The following NUP153 variants were observed in gnomAD, a reference collection of about 807,000 sequenced individuals.
The protein encoded by NUP153 is nuclear pore complex protein Nup153.
A neutral mutation model predicts 134.6 loss-of-function variants in NUP153; 27 were observed. The ratio of observed to expected loss-of-function variants is 0.20; its 90% confidence interval spans 0.15 to 0.28. NUP153 has a LOEUF of 0.28. NUP153 is among the 10% of genes least tolerant of loss of function. The pLI is 1.00. For synonymous variants in NUP153, 640 were observed against 623.5 expected (o/e 1.03, Z -0.40); for missense variants, 1,821 against 1,731.3 (o/e 1.05, Z -0.92).
chr6:17,637,341 G>A lies in NUP153; in HGVS notation c.2276C>T (p.Thr759Ile), dbSNP rs912644568. ...KPGTCVKRAL[T>I]LTVVSESAET... ...AGCACTTTCCGAAACCACTGTCAATGTAAGGGCTCGCTTCACACAAGTTCC... is the reference window on the plus strand; with the variant it reads ...AGCACTTTCCGAAACCACTGTCAATATAAGGGCTCGCTTCACACAAGTTCC... Residue 759 changes from threonine (T) to isoleucine (I), a missense_variant, in exon 16 of 22, where the codon ACA (threonine) becomes ATA (isoleucine). Thr to Ile is a moderately conservative substitution (Grantham distance 89). Coordinates refer to ENST00000262077, the MANE Select transcript of NUP153 (RefSeq NM_005124.4). 1.9e-6 allele frequency: 3 copies of A among 1,614,174 alleles called. No individual in the cohort carries two copies. The highest frequency in any genetic ancestry group is 3.3e-5 in the Admixed American group (2 of 60,022).
chr6:17,627,401 A>G (rs1184634230), intron 18 of NUP153, among the ~76,000 whole-genome samples: 1 of 152,092 alleles, frequency 6.6e-6, no homozygotes, highest in Non-Finnish European at 1.5e-5. Flanking sequence ...AGTGTTTCCA[A>G]TTTATTATTC....
At chr6:17,688,703 CAA>C (rs1218776153) in intron 1 of NUP153, 85 bp from the exon 2 acceptor site, 2 of 1,033,918 alleles carry the variant, frequency 1.9e-6, no homozygotes, top group Non-Finnish European at 2.9e-6. Flanking sequence ...CCAGGCCAAG[CAA>C]AACACAATGG....
At chr6:17,667,413 G>C (rs1767598343) in intron 8 of NUP153, among the ~76,000 whole-genome samples, 1 of 152,140 alleles carries the variant, frequency 6.6e-6, no homozygotes, top group African/African-American at 2.4e-5. Context: ...TCCAAGAAAT[G>C]TTTTCAAAAG....
intron 14 of NUP153, among the ~76,000 whole-genome samples, chr6:17,642,179 T>C (rs1432420319): frequency 6.6e-6 from 1 of 152,182 alleles, no homozygotes; most frequent in East Asian, 1.9e-4. Flanking sequence ...TTTGGCAATG[T>C]ATTCTTAGAT....
chr6:17,693,408 A>C (rs988816167), intron 1 of NUP153, among the ~76,000 whole-genome samples: 4 of 152,066 alleles, frequency 2.6e-5, no homozygotes, highest in African/African-American at 9.7e-5. Context: ...TCCCTGCTTA[A>C]ATCTTGCTCC....
intron 11 of NUP153, among the ~76,000 whole-genome samples, chr6:17,652,892 G>A (rs1766587714): frequency 6.6e-6 from 1 of 152,088 alleles, no homozygotes; most frequent in Non-Finnish European, 1.5e-5. Flanking sequence ...AGCTGGGCGT[G>A]GTGGCGCACA....
At chr6:17,641,094 G>A (rs1454378045) in intron 14 of NUP153, among the ~76,000 whole-genome samples, 1 of 152,128 alleles carries the variant, frequency 6.6e-6, no homozygotes, top group African/African-American at 2.4e-5. Context: ...TACATTTTCA[G>A]TGTGATAATG....
intron 8 of NUP153, among the ~76,000 whole-genome samples, chr6:17,666,127 C>T (rs901979501): frequency 1.3e-5 from 2 of 152,056 alleles, no homozygotes; most frequent in Non-Finnish European, 2.9e-5. Context: ...GCACCTGGCC[C>T]AGAGTGAATT....
At chr6:17,645,320 G>C (rs1448154139) in intron 14 of NUP153, among the ~76,000 whole-genome samples, 2 of 151,426 alleles carry the variant, frequency 1.3e-5, no homozygotes, top group Admixed American at 1.3e-4. Context: ...TTTGAGATAG[G>C]GTCTTGCTCT....
At chr6:17,652,201 T>C (rs1766536438) in intron 11 of NUP153, among the ~76,000 whole-genome samples, 1 of 152,130 alleles carries the variant, frequency 6.6e-6, no homozygotes, top group African/African-American at 2.4e-5. Context: ...TCTAATACTA[T>C]CAGCTTACTT....
rs1768498650 is a variant in NUP153 at position 17,680,240 on chromosome 6, A to C, written c.335-4470T>G. Among the ~76,000 whole-genome samples the C allele has an allele frequency of 6.6e-6, 1 of 152,138 alleles. No individual in the cohort carries two copies. The highest frequency in any genetic ancestry group is 2.4e-5 in the African/African-American group (1 of 41,438). ...GGAAACCAAAGAGCCTGTGGTCTGTAATACTGTAATAAAGACAGGCAATAC... is the reference window on the plus strand; with the variant it reads ...GGAAACCAAAGAGCCTGTGGTCTGTCATACTGTAATAAAGACAGGCAATAC... On this transcript the variant is annotated intron_variant, in intron 2 of 21. Transcript: ENST00000262077. This position sits in a 1 kb window ranked among gnomAD's most constrained non-coding sequence, Gnocchi z 4.5.
At position 17,624,589 on chromosome 6, in the gene NUP153, T is replaced by C. The variant is rs771750542; in HGVS notation, c.4146A>G (p.Ala1382=). The C allele has an allele frequency of 1.2e-6, 2 of 1,614,174 alleles. No homozygotes were observed. The highest frequency in any genetic ancestry group is 1.7e-6 in the Non-Finnish European group (2 of 1,180,040). The change falls in exon 20 of 22, where the codon GCA becomes GCG. Residue 1382 remains alanine (A), a synonymous_variant. Transcript: ENST00000262077. The part of the protein sequence containing the change: ...PVFGQQPSQS[A]FGSGTTPNSS... ...AATTAGGAGTTGTTCCAGAGCCAAA[T>C]GCAGACTGACTAGGTTGCTGTCCAA...
At chr6:17,648,644 A>T (rs113993443) in intron 12 of NUP153, among the ~76,000 whole-genome samples, 3,392 of 151,974 alleles carry the variant, frequency 0.022, 116 homozygotes, top group African/African-American at 0.072. Context: ...TTAAAAAAAA[A>T]TTTTTTTAAT....
chr6:17,668,907 T>C, intron 8 of NUP153, 68 bp downstream of exon 8: 1 of 1,054,044 alleles, frequency 9.5e-7, no homozygotes. Flanking sequence ...CCAATTTGTA[T>C]ACTTGTGAAC....
At position 17,706,345 on chromosome 6, in the gene NUP153, T is replaced by TGCCGCC; in HGVS notation, c.37_42dup (p.Gly13_Gly14dup). On this transcript the variant is annotated inframe_insertion, in exon 1 of 22. Coordinates refer to ENST00000262077, the MANE Select transcript of NUP153 (RefSeq NM_005124.4). This position sits in a 1 kb window ranked among gnomAD's most constrained non-coding sequence, Gnocchi z 5.9. ...TGGTGGCAACGCCGCGTCCGGATCTTGCCGCCACCGCCCCCTCCGACTCCT... is the reference window on the plus strand; with the variant it reads ...TGGTGGCAACGCCGCGTCCGGATCTTGCCGCCGCCGCCACCGCCCCCTCCGACTCCT... 1.2e-6 allele frequency: 2 copies of TGCCGCC among 1,613,442 alleles called. No homozygotes were observed. Among genetic ancestry groups the TGCCGCC allele is most frequent in the Non-Finnish European group, 8.5e-7 (1 of 1,179,736 alleles).
At chr6:17,621,268 G>A (rs563708680) in intron 20 of NUP153, among the ~76,000 whole-genome samples, 3 of 152,308 alleles carry the variant, frequency 2.0e-5, no homozygotes, top group South Asian at 4.1e-4. Context: ...ATGTAAATTA[G>A]TATAACCGTT....
intron 5 of NUP153, among the ~76,000 whole-genome samples, chr6:17,674,544 G>A (rs542977911): frequency 4.0e-4 from 61 of 152,186 alleles, no homozygotes; most frequent in Non-Finnish European, 7.9e-4. Context: ...CGGGGTGGGC[G>A]CATCACGAGG....
At position 17,629,446 on chromosome 6, in the gene NUP153, AAAGTCTGAG is replaced by A. The variant is rs765182622; in HGVS notation, c.2744_2752del (p.Ser915_Thr917del). The A allele has an allele frequency of 1.9e-6, 3 of 1,614,056 alleles. No individual in the cohort carries two copies. The highest frequency in any genetic ancestry group is 2.5e-6 in the Non-Finnish European group (3 of 1,179,984). ...AAATTTAAAATTTCCAGTGCTTGTT[AAAGTCTGAG>A]AAGGCCCAGAAGAGGATGATGAGAC... On this transcript the variant is annotated inframe_deletion, in exon 18 of 22. Coordinates refer to ENST00000262077, the MANE Select transcript of NUP153 (RefSeq NM_005124.4).
chr6:17,636,096 G>A (rs897127830), intron 16 of NUP153, among the ~76,000 whole-genome samples: 5 of 152,198 alleles, frequency 3.3e-5, no homozygotes, highest in Non-Finnish European at 5.9e-5. Context: ...CACTTTGGAA[G>A]GCCAAGGCGG....
Sources: allele counts gnomAD v4.1 joint callset (sites outside exome capture counted in the v4.1 genomes callset), GRCh38; gene constraint gnomAD v4.1.1; non-coding constraint Gnocchi (gnomAD v3.1); transcripts MANE v1.5; gene names NCBI Gene and HGNC (gene_info 2026-07-23, HGNC 2026-07-21).